Variants in F13A1 observed in about 807,000 individuals in gnomAD.
The protein encoded by F13A1 is coagulation factor XIII A chain.
A neutral mutation model predicts 80.1 loss-of-function variants in F13A1; 47 were observed. The ratio of observed to expected loss-of-function variants is 0.59; its 90% CI spans 0.46 to 0.75. F13A1 has a LOEUF of 0.75. F13A1 is among the 30% of genes least tolerant of loss of function. The pLI is 0.00. For missense variants in F13A1, 817 were observed against 930.4 expected, an observed-to-expected ratio of 0.88 and a Z score of 1.59; for synonymous variants, 349 against 344.9, an observed-to-expected ratio of 1.01 and a Z score of -0.13.
intron 2 of F13A1, among the ~76,000 whole-genome samples, chr6:6,310,686 A>G (rs1283231131): frequency 6.6e-6 from 1 of 152,192 alleles, no homozygotes; most frequent in African/African-American, 2.4e-5. Context: ...AGTTGGTGTG[A>G]GGATTAAATG....
chr6:6,245,897 G>A (rs1275604037), intron 6 of F13A1, among the ~76,000 whole-genome samples: 1 of 152,198 alleles, frequency 6.6e-6, no homozygotes, highest in Admixed American at 6.5e-5. Context: ...TGCAACCTGC[G>A]AATGGGATTT....
At chr6:6,190,183 C>T (rs1029245873) in intron 10 of F13A1, among the ~76,000 whole-genome samples, 2 of 152,028 alleles carry the variant, frequency 1.3e-5, no homozygotes, top group Non-Finnish European at 1.5e-5. Flanking sequence ...CCTCCCGTAG[C>T]TCAGAGTAAT....
At chr6:6,267,020 T>G (rs762639469) in intron 3 of F13A1, among the ~76,000 whole-genome samples, 1 of 152,246 alleles carries the variant, frequency 6.6e-6, no homozygotes, top group Non-Finnish European at 1.5e-5. Flanking sequence ...ATTTGTTTTC[T>G]ATAAAGCATG....
chr6:6,246,306 T>C (rs746106375), intron 6 of F13A1, among the ~76,000 whole-genome samples: 8 of 152,216 alleles, frequency 5.3e-5, no homozygotes, highest in Non-Finnish European at 1.2e-4. Flanking sequence ...TTTTAGCTTT[T>C]AAAATTATTA....
In F13A1 at chr6:6,248,392, G is replaced by A. The variant is rs1369317180; in HGVS notation, c.718C>T (p.Leu240=). 1 of 1,613,796 alleles carries A rather than the reference G, an allele frequency of 6.2e-7. No individual in the cohort carries two copies. Among genetic ancestry groups the A allele is most frequent in the Non-Finnish European group, 8.5e-7 (1 of 1,179,852 alleles). Residue 240 remains leucine, a synonymous_variant, in exon 6 of 15, where the codon CTG becomes TTG. Transcript: ENST00000264870. ...ATTTGTGCTCTGTCCATCACATACA[G>A]GCAAGTGTCCAGGATGCCATCTTCA... ...QFEDGILDTC[L]YVMDRAQMDL... is the part of the protein sequence containing the mutation.
intron 3 of F13A1, among the ~76,000 whole-genome samples, chr6:6,277,748 T>C (rs974402855): frequency 5.9e-5 from 9 of 152,234 alleles, no homozygotes; most frequent in East Asian, 1.9e-4. Context: ...TTTTGATGTA[T>C]AGGGCCTAAC....
At chr6:6,158,266 C>G (rs1316955731) in intron 13 of F13A1, among the ~76,000 whole-genome samples, 3 of 151,954 alleles carry the variant, frequency 2.0e-5, no homozygotes, top group Non-Finnish European at 4.4e-5. Flanking sequence ...TATTCCAGGC[C>G]AAGCTGAAGG....
chr6:6,177,934 A>G (rs1056778036), intron 11 of F13A1, among the ~76,000 whole-genome samples: 3 of 150,776 alleles, frequency 2.0e-5, no homozygotes, highest in Admixed American at 6.6e-5. Context: ...TGGCCTCTGC[A>G]TACAATACCT....
chr6:6,167,414 T>G, intron 13 of F13A1, 44 bp downstream of exon 13: 1 of 1,606,954 alleles, frequency 6.2e-7, no homozygotes, highest in Non-Finnish European at 8.5e-7. Flanking sequence ...ACACTAAGTC[T>G]GCGTGCCTTT....
chr6:6,263,824 C>G (rs759498584), intron 4 of F13A1, among the ~76,000 whole-genome samples: 1 of 152,224 alleles, frequency 6.6e-6, no homozygotes, highest in Non-Finnish European at 1.5e-5. Flanking sequence ...TACTTCTCAT[C>G]TTGAATCCCT....
chr6:6,289,883 C>T (rs565155979), intron 3 of F13A1, among the ~76,000 whole-genome samples: 1 of 151,924 alleles, frequency 6.6e-6, no homozygotes, highest in South Asian at 2.1e-4. Context: ...TTTTTGAGAC[C>T]CGCCTCAAAT....
chr6:6,203,858 A>AATAG (rs1296105741), intron 8 of F13A1, among the ~76,000 whole-genome samples: 1 of 152,260 alleles, frequency 6.6e-6, no homozygotes, highest in East Asian at 1.9e-4. Context: ...GTAGTTAGAA[A>AATAG]ATAGATACTT....
intron 6 of F13A1, 66 bp from the exon 7 acceptor site, chr6:6,224,926 C>A: frequency 6.4e-7 from 1 of 1,562,110 alleles, no homozygotes; most frequent in Non-Finnish European, 8.8e-7. Context: ...CCAGGCTATG[C>A]ATGGCGCAAG....
chr6:6,163,594 C>T (rs567149820), intron 13 of F13A1, among the ~76,000 whole-genome samples: 73 of 152,212 alleles, frequency 4.8e-4, no homozygotes, highest in African/African-American at 1.6e-3. Context: ...GTGCAGTATT[C>T]GGTTTTCTCT....
intron 13 of F13A1, among the ~76,000 whole-genome samples, chr6:6,163,064 G>T (rs1291178388): frequency 6.6e-6 from 1 of 152,174 alleles, no homozygotes; most frequent in Non-Finnish European, 1.5e-5. Context: ...ACCAGGGGCT[G>T]GTCCCAACCC....
rs573008417 is a variant in F13A1, at chr6:6,238,657, TTAATAA to T, written c.798+9649_798+9654del. On this transcript the variant is annotated intron_variant, in intron 6 of 14. Transcript: ENST00000264870. The stretch of plus-strand genomic sequence containing the variant: ...GGTATATACACAGAGCAACTATAAC[TTAATAA>T]TAAAAGTACAAATGACTGAATAAGA... 6.6e-5 allele frequency among the ~76,000 whole-genome samples: 10 copies of T among 150,500 alleles called. No individual in the cohort carries two copies. The South Asian group carries it at 2.1e-3, about 31-fold the overall frequency.
intron 13 of F13A1, among the ~76,000 whole-genome samples, chr6:6,158,048 C>T (rs1462689628): frequency 6.6e-6 from 1 of 152,118 alleles, no homozygotes; most frequent in Admixed American, 6.5e-5. Flanking sequence ...CGGCCACAAT[C>T]CTCTGTGAAA....
At chr6:6,225,645 C>T (rs969426970) in intron 6 of F13A1, among the ~76,000 whole-genome samples, 1 of 151,988 alleles carries the variant, frequency 6.6e-6, no homozygotes, top group South Asian at 2.1e-4. Flanking sequence ...GTAGCTAGGA[C>T]TACAGGTGTA....
At chr6:6,174,536 C>T (rs1760841540) in intron 12 of F13A1, 44 bp downstream of exon 12, 1 of 1,605,518 alleles carries the variant, frequency 6.2e-7, no homozygotes, top group East Asian at 2.2e-5. Flanking sequence ...AAGACAGGGG[C>T]CAGACAGCGA....
Sources: gnomAD v4.1 joint callset for allele counts (sites outside exome capture counted in the v4.1 genomes callset) on GRCh38, gnomAD v4.1.1 for gene constraint, MANE v1.5 for transcripts, NCBI Gene and HGNC (gene_info 2026-07-23, HGNC 2026-07-21) for gene names.